The following PM20D2 variants were observed in gnomAD, a reference collection of about 807,000 sequenced individuals.
PM20D2 encodes the protein xaa-Arg dipeptidase.
In PM20D2, 33 loss-of-function variants were observed where a neutral mutation model predicts 42.9. The observed-to-expected ratio is 0.77, with a 90% confidence interval of 0.58 to 1.03. The LOEUF (loss-of-function observed/expected upper bound fraction) is 1.03. PM20D2 is among the 50% of genes least tolerant of loss of function. PM20D2 has a pLI of 0.00. For missense variants in PM20D2, 548 were observed against 557.0 expected, an observed-to-expected ratio of 0.98 and a Z score of 0.16; for synonymous variants, 250 against 228.2, an observed-to-expected ratio of 1.10 and a Z score of -0.86.
the PM20D2 span, among the ~76,000 whole-genome samples, chr6:89,112,344 C>T: frequency 6.6e-6 from 1 of 151,818 alleles, no homozygotes; most frequent in African/African-American, 2.4e-5. Flanking sequence ...TGTTTTAAAA[C>T]ATTCTTAGTA....
intron 4 of PM20D2, among the ~76,000 whole-genome samples, chr6:89,155,794 C>T (rs1191369976): frequency 6.6e-6 from 1 of 152,080 alleles, no homozygotes; most frequent in Non-Finnish European, 1.5e-5. Context: ...ACGCAACCTC[C>T]TCTGCCTCCT....
upstream of PM20D2, among the ~76,000 whole-genome samples, chr6:89,143,333 C>T (rs1050032902): frequency 7.2e-5 from 11 of 152,126 alleles, no homozygotes; most frequent in Admixed American, 1.3e-4. Context: ...ACTCTTTCCA[C>T]CACAGCACTC....
Position 89,158,344 on chromosome 6 carries a change from C to A in PM20D2, c.932C>A (p.Ala311Glu), listed in dbSNP as rs772131053. The A allele has an allele frequency of 1.4e-5, 22 of 1,587,666 alleles. No homozygotes were observed. The highest frequency in any genetic ancestry group is 1.4e-5 in the Non-Finnish European group (17 of 1,172,502). The change falls in exon 5 of 7, where the codon GCA (alanine) becomes GAA (glutamate). Residue 311 changes from alanine to glutamate, a missense_variant. By Grantham distance (107) the Ala-to-Glu change is moderately radical. Coordinates refer to ENST00000275072, the MANE Select transcript of PM20D2 (RefSeq NM_001010853.3). ...SGCTVEIKGG[A>E]HDYYNVLPNK... ...TATTAGGTGGAAATTAAAGGTGGAG[C>A]ACATGATTATTACAATGTTCTTCCC...
the PM20D2 span, among the ~76,000 whole-genome samples, chr6:89,124,564 A>G: frequency 6.6e-6 from 1 of 152,146 alleles, no homozygotes; most frequent in African/African-American, 2.4e-5. Context: ...TGTGCTATTT[A>G]TTGGATTAAA....
At chr6:89,111,628 T>C in the PM20D2 span, among the ~76,000 whole-genome samples, 7 of 152,168 alleles carry the variant, frequency 4.6e-5, no homozygotes, top group African/African-American at 1.7e-4. Flanking sequence ...TTGTATTTTA[T>C]ATCTTTTTTC....
the PM20D2 span, chr6:89,096,220 G>GCAAAAGACATAGGAACAGCAGT: frequency 6.6e-6 from 1 of 152,038 alleles, no homozygotes; most frequent in African/African-American, 2.4e-5. Context: ...ACTTCTCTTT[G>GCAAAAGACATAGGAACAGCAGT]CAAAAGACAT....
At chr6:89,097,741 A>C in the PM20D2 span, 1 of 152,244 alleles carries the variant, frequency 6.6e-6, no homozygotes, top group Non-Finnish European at 1.5e-5. Context: ...TAAAAAGAAA[A>C]AATTAAGCAA....
chr6:89,101,366 G>A, the PM20D2 span, among the ~76,000 whole-genome samples: 3 of 152,096 alleles, frequency 2.0e-5, no homozygotes, highest in Admixed American at 2.0e-4. Flanking sequence ...ACCCCACATA[G>A]GCAAAGAAAA....
At chr6:89,141,644 G>C (rs1051280138), upstream of PM20D2, among the ~76,000 whole-genome samples, 1 of 152,202 alleles carries the variant, frequency 6.6e-6, no homozygotes, top group African/African-American at 2.4e-5. Flanking sequence ...GGGATTACAA[G>C]CGTGAGCCAC....
intron 4 of PM20D2, among the ~76,000 whole-genome samples, chr6:89,156,230 G>C (rs1360042476): frequency 6.6e-6 from 1 of 152,138 alleles, no homozygotes; most frequent in African/African-American, 2.4e-5. Flanking sequence ...ATCATGTACT[G>C]TGTAAAGTGG....
upstream of PM20D2, among the ~76,000 whole-genome samples, chr6:89,142,726 C>T (rs541027674): frequency 1.3e-5 from 2 of 152,086 alleles, no homozygotes; most frequent in Non-Finnish European, 2.9e-5. Context: ...GACGCGATCT[C>T]GGCTCACTGC....
chr6:89,116,398 G>A, the PM20D2 span, among the ~76,000 whole-genome samples: 1 of 152,328 alleles, frequency 6.6e-6, no homozygotes, highest in Non-Finnish European at 1.5e-5. Context: ...CAGAAGAAAT[G>A]TAAACAAGGC....
At chr6:89,111,356 A>C in the PM20D2 span, among the ~76,000 whole-genome samples, 93 of 152,286 alleles carry the variant, frequency 6.1e-4, no homozygotes, top group Non-Finnish European at 1.2e-3. Context: ...TTTTGGTGCA[A>C]AGGTTCTGCA....
chr6:89,124,027 A>G, the PM20D2 span, among the ~76,000 whole-genome samples: 1 of 152,216 alleles, frequency 6.6e-6, no homozygotes, highest in Non-Finnish European at 1.5e-5. Flanking sequence ...ATAAAGCAAG[A>G]TCATGTCTCA....
upstream of PM20D2, among the ~76,000 whole-genome samples, chr6:89,145,617 GCAGTACCGAAACTTACGTA>G (rs1770502119): frequency 6.6e-6 from 1 of 152,160 alleles, no homozygotes; most frequent in Non-Finnish European, 1.5e-5. Context: ...GAAAGTGGGG[GCAGTACCGAAACTTACGTA>G]CAGTACCGTC....
the PM20D2 span, among the ~76,000 whole-genome samples, chr6:89,109,554 G>A: frequency 6.6e-6 from 1 of 152,168 alleles, no homozygotes; most frequent in Non-Finnish European, 1.5e-5. Flanking sequence ...TGGCTAAGAG[G>A]AAAGGGATCA....
chr6:89,121,752 T>A, the PM20D2 span, among the ~76,000 whole-genome samples: 1 of 152,192 alleles, frequency 6.6e-6, no homozygotes, highest in Non-Finnish European at 1.5e-5. Context: ...CATTTTTACA[T>A]GAGAGTTTCA....
chr6:89,129,034 T>C, the PM20D2 span, among the ~76,000 whole-genome samples: 1 of 151,974 alleles, frequency 6.6e-6, no homozygotes, highest in African/African-American at 2.4e-5. Context: ...CTTCAACAAA[T>C]TGCAAGAAAA....
rs1313128027 is a variant in PM20D2 at position 89,157,403 on chromosome 6, ATTT to A, written c.913-919_913-917del. On this transcript the variant is annotated intron_variant, in intron 4 of 6. Coordinates refer to ENST00000275072, the MANE Select transcript of PM20D2 (RefSeq NM_001010853.3). ...ATATTGGTTTGAGGGAATATTGCCAATTTTTATTTAATCAAAACTGAATCTGTA... is the reference window on the plus strand; with the variant it reads ...ATATTGGTTTGAGGGAATATTGCCAATTATTTAATCAAAACTGAATCTGTA... Among the ~76,000 whole-genome samples, 59 of 150,802 alleles carry A rather than the reference ATTT, an allele frequency of 3.9e-4. 1 individual carries two copies. Among genetic ancestry groups the A allele is most frequent in the Admixed American group, 3.9e-3 (59 of 15,126 alleles).
Sources: gnomAD v4.1 joint callset for allele counts (sites outside exome capture counted in the v4.1 genomes callset) on GRCh38, gnomAD v4.1.1 for gene constraint, MANE v1.5 for transcripts, NCBI Gene and HGNC (gene_info 2026-07-23, HGNC 2026-07-21) for gene names.